Variants in DAB1 observed in about 807,000 individuals in gnomAD.
The protein encoded by DAB1 is disabled homolog 1.
In DAB1, 15 loss-of-function variants were observed where a neutral mutation model predicts 64.6. That is an observed-to-expected ratio of 0.23 (90% CI 0.16 to 0.36). DAB1 has a LOEUF of 0.36. Ranked by LOEUF, DAB1 falls within the 10% of genes least tolerant of loss-of-function variation. The probability of loss-of-function intolerance (pLI) is 1.00; values close to 1 mark genes in which losing one functional copy is unlikely to be tolerated. For missense variants in DAB1, 596 were observed against 706.7 expected (o/e 0.84, Z 1.78); for synonymous variants, 235 against 251.9 (o/e 0.93, Z 0.64).
chr1:57,885,623 T>C (rs1644210304), upstream of DAB1, among the ~76,000 whole-genome samples: 1 of 152,198 alleles, frequency 6.6e-6, no homozygotes. Context: ...TAACAAAATA[T>C]GTTCTTACTT....
intron 5 of DAB1, among the ~76,000 whole-genome samples, chr1:58,141,461 T>C (rs1013644598): frequency 1.3e-5 from 2 of 152,180 alleles, no homozygotes; most frequent in African/African-American, 4.8e-5. Context: ...GTGAAGATTA[T>C]AGAGGCTACA....
intron 11 of DAB1, among the ~76,000 whole-genome samples, chr1:57,020,943 T>A (rs1646596225): frequency 6.6e-6 from 1 of 152,174 alleles, no homozygotes; most frequent in African/African-American, 2.4e-5. Context: ...CAGGAGCCAG[T>A]CCATCCGTTG....
intron 1 of DAB1, among the ~76,000 whole-genome samples, chr1:57,328,024 G>C (rs1381929014): frequency 6.6e-6 from 1 of 152,124 alleles, no homozygotes; most frequent in African/African-American, 2.4e-5. Context: ...CAGAGCAAAT[G>C]CTACTGAGTA....
intron 7 of DAB1, among the ~76,000 whole-genome samples, chr1:57,459,292 T>C (rs964402828): frequency 1.3e-5 from 2 of 152,212 alleles, no homozygotes; most frequent in Non-Finnish European, 2.9e-5. Flanking sequence ...ATTGTTATGA[T>C]GGAAAACCAT....
chr1:57,413,683 G>T (rs1358384378), intron 1 of DAB1, among the ~76,000 whole-genome samples: 1 of 145,592 alleles, frequency 6.9e-6, no homozygotes, highest in Non-Finnish European at 1.5e-5. Context: ...GGTAGAGCTT[G>T]CAGTGAGCTG....
In DAB1 at chr1:57,399,058, A is replaced by G. The variant is rs560050829; in HGVS notation, c.-137+24872T>C. On this transcript the variant is annotated intron_variant, in intron 1 of 14. Coordinates refer to ENST00000371236, the MANE Select transcript of DAB1 (RefSeq NM_001365792.1). ...ATTTGGTCTGTAGTTGAAGCTTGAA[A>G]TGATTAAAGATGTTTGCATAAGCCA... is the stretch of plus-strand genomic sequence containing the variant. Among the ~76,000 whole-genome samples, 63 of 152,312 alleles carry G rather than the reference A, an allele frequency of 4.1e-4. No homozygotes were observed. In the East Asian group the frequency reaches 0.011, roughly 26 times the overall value.
intron 4 of DAB1, among the ~76,000 whole-genome samples, chr1:57,125,806 G>C (rs1657082816): frequency 6.6e-6 from 1 of 152,170 alleles, no homozygotes; most frequent in Non-Finnish European, 1.5e-5. Context: ...ACCAGAAGAG[G>C]TGGTGGAGAT....
At chr1:58,096,459 T>G (rs1401041627) in intron 5 of DAB1, among the ~76,000 whole-genome samples, 6 of 152,142 alleles carry the variant, frequency 3.9e-5, no homozygotes, top group Non-Finnish European at 8.8e-5. Context: ...AGCCGTGGTG[T>G]GAGATCACTT....
At chr1:58,469,757 A>G (rs138497104) in intron 3 of DAB1, among the ~76,000 whole-genome samples, 271 of 152,344 alleles carry the variant, frequency 1.8e-3, no homozygotes, top group African/African-American at 5.6e-3. Flanking sequence ...GTCTTGCTGG[A>G]AACTCTCTCT....
At chr1:57,359,454 A>T (rs918930080) in intron 1 of DAB1, among the ~76,000 whole-genome samples, 5 of 152,052 alleles carry the variant, frequency 3.3e-5, no homozygotes, top group African/African-American at 1.2e-4. Flanking sequence ...ATTGGCAAGG[A>T]TATAGAGAAA....
intron 7 of DAB1, among the ~76,000 whole-genome samples, chr1:57,449,547 A>C (rs1686273698): frequency 6.6e-6 from 1 of 151,908 alleles, no homozygotes; most frequent in Non-Finnish European, 1.5e-5. Flanking sequence ...CACTTGGCTA[A>C]TTTTTATTTT....
intron 1 of DAB1, among the ~76,000 whole-genome samples, chr1:57,827,501 A>T (rs1293927649): frequency 6.6e-6 from 1 of 152,220 alleles, no homozygotes; most frequent in Non-Finnish European, 1.5e-5. Context: ...AATAATAATG[A>T]CATCTACCTC....
chr1:57,894,710 T>C (rs1040670543), intron 5 of DAB1, among the ~76,000 whole-genome samples: 3 of 152,144 alleles, frequency 2.0e-5, no homozygotes, highest in South Asian at 2.1e-4. Flanking sequence ...AAGATCACCC[T>C]GGCTGCCCTG....
chr1:57,709,806 A>T (rs1045347436), intron 6 of DAB1, among the ~76,000 whole-genome samples: 1 of 152,120 alleles, frequency 6.6e-6, no homozygotes, highest in Non-Finnish European at 1.5e-5. Flanking sequence ...CTCTACCTGG[A>T]TGGAGCTATG....
chr1:57,475,953 A>C (rs1370956638), intron 7 of DAB1, among the ~76,000 whole-genome samples: 1 of 152,224 alleles, frequency 6.6e-6, no homozygotes, highest in Non-Finnish European at 1.5e-5. Flanking sequence ...GGCCAGGTGC[A>C]GTGGCTCACC....
At chr1:58,520,856 T>C (rs1272105146) in intron 2 of DAB1, among the ~76,000 whole-genome samples, 2 of 151,828 alleles carry the variant, frequency 1.3e-5, no homozygotes, top group Non-Finnish European at 2.9e-5. Flanking sequence ...TCTACAACCA[T>C]AATGAAATAT....
At chr1:57,684,776 A>G (rs1646675715) in intron 6 of DAB1, among the ~76,000 whole-genome samples, 1 of 152,182 alleles carries the variant, frequency 6.6e-6, no homozygotes, top group Admixed American at 6.5e-5. Context: ...ATCAATACTA[A>G]AACTGAATGT....
chr1:57,080,746 ACACACACACG>A lies in DAB1; in HGVS notation c.307-8342_307-8333del, dbSNP rs1395147472. On this transcript the variant is annotated intron_variant, in intron 4 of 14. Coordinates refer to ENST00000371236, the MANE Select transcript of DAB1 (RefSeq NM_001365792.1). Reference sequence around the variant, plus strand: ...TAAAGAGAAGTTACAACACACACACACACACACACGCACACACACACACACACACCTTAAA... The same window carrying A: ...TAAAGAGAAGTTACAACACACACACACACACACACACACACACACCTTAAA... 2.6e-3 allele frequency among the ~76,000 whole-genome samples: 371 copies of A among 141,246 alleles called. 3 individuals are homozygous for A. The highest frequency in any genetic ancestry group is 0.01 in the African/African-American group (359 of 34,996). 92.7% of individuals were successfully genotyped at this position (141,246 alleles called of 152,430 possible). A position where few individuals can be genotyped will look rare whatever the true frequency, so the allele number is the denominator to read the frequency against.
intron 6 of DAB1, among the ~76,000 whole-genome samples, chr1:57,812,077 C>T (rs1372377769): frequency 6.6e-6 from 1 of 151,976 alleles, no homozygotes; most frequent in Non-Finnish European, 1.5e-5. Context: ...AATAGAATTT[C>T]CTCTTCTGAA....
Sources: allele counts gnomAD v4.1 joint callset (sites outside exome capture counted in the v4.1 genomes callset), GRCh38; gene constraint gnomAD v4.1.1; transcripts MANE v1.5; gene names NCBI Gene and HGNC (gene_info 2026-07-23, HGNC 2026-07-21).